The following SFMBT2 variants were observed in gnomAD, a reference collection of about 807,000 sequenced individuals.
SFMBT2 encodes scm-like with four MBT domains protein 2.
A neutral mutation model predicts 110.1 loss-of-function variants in SFMBT2; 38 were observed. That is an observed-to-expected ratio of 0.35 (90% CI 0.27 to 0.45). SFMBT2 has a LOEUF of 0.45. Ranked by LOEUF, SFMBT2 falls within the 20% of genes least tolerant of loss-of-function variation. The pLI, the probability that SFMBT2 is intolerant of heterozygous loss-of-function variation, is 1.00. For synonymous variants in SFMBT2, 425 were observed against 425.4 expected (o/e 1.00, Z 0.01); for missense variants, 1,011 against 1,094.9 (o/e 0.92, Z 1.08).
At chr10:7,371,463 C>G (rs981260421) in intron 2 of SFMBT2, among the ~76,000 whole-genome samples, 3 of 152,148 alleles carry the variant, frequency 2.0e-5, no homozygotes, top group Admixed American at 2.0e-4. Flanking sequence ...AATCCACACA[C>G]CCAGGCTTGA....
intron 17 of SFMBT2, among the ~76,000 whole-genome samples, chr10:7,174,863 G>C (rs1838001890): frequency 6.6e-6 from 1 of 152,364 alleles, no homozygotes; most frequent in Admixed American, 6.5e-5. Flanking sequence ...GAGAGGCCCT[G>C]TGCACAGAAT....
chr10:7,403,194 C>T (rs1846126132), intron 1 of SFMBT2, among the ~76,000 whole-genome samples: 1 of 152,162 alleles, frequency 6.6e-6, no homozygotes, highest in South Asian at 2.1e-4. Flanking sequence ...AAAAAGAGAA[C>T]AATCTAGTCT....
chr10:7,186,475 A>ATATATATATATATATATATATATATATAT (rs1345076690), intron 16 of SFMBT2, among the ~76,000 whole-genome samples: 1 of 136,592 alleles, frequency 7.3e-6, no homozygotes, highest in African/African-American at 3.0e-5. Context: ...TATATATATA[A>ATATATATATATATATATATATATATATAT]AAATATTTTA....
intron 4 of SFMBT2, among the ~76,000 whole-genome samples, chr10:7,350,171 A>G (rs1844264927): frequency 6.6e-6 from 1 of 151,216 alleles, no homozygotes; most frequent in South Asian, 2.1e-4. Context: ...CCTCCTGCCC[A>G]ATCGTGTCTT....
intron 7 of SFMBT2, among the ~76,000 whole-genome samples, chr10:7,267,470 T>G (rs1841431197): frequency 6.6e-6 from 1 of 152,146 alleles, no homozygotes; most frequent in Non-Finnish European, 1.5e-5. Context: ...TTGTTTGAGA[T>G]GGAGTCTCAC....
intron 11 of SFMBT2, chr10:7,215,812 C>A: frequency 2.4e-6 from 2 of 820,000 alleles, no homozygotes; most frequent in Non-Finnish European, 2.9e-6. Flanking sequence ...GGGATGGCTC[C>A]CCGTGCATCG....
At chr10:7,251,103 A>G (rs1052782148) in intron 7 of SFMBT2, among the ~76,000 whole-genome samples, 2 of 152,150 alleles carry the variant, frequency 1.3e-5, no homozygotes, top group African/African-American at 4.8e-5. Context: ...AAATTATATG[A>G]ATGTATTAAT....
chr10:7,340,522 G>A (rs1357775678), intron 4 of SFMBT2, among the ~76,000 whole-genome samples: 1 of 151,846 alleles, frequency 6.6e-6, no homozygotes, highest in Non-Finnish European at 1.5e-5. Flanking sequence ...AGGTTATTTT[G>A]TCTCTCAATG....
At chr10:7,351,882 T>C (rs376196402) in intron 4 of SFMBT2, among the ~76,000 whole-genome samples, 8 of 147,402 alleles carry the variant, frequency 5.4e-5, no homozygotes, top group African/African-American at 2.1e-4. Context: ...AAAAAAAAAA[T>C]ATATATATAT....
chr10:7,296,719 T>C (rs1252698792), intron 4 of SFMBT2, among the ~76,000 whole-genome samples: 2 of 152,250 alleles, frequency 1.3e-5, no homozygotes, highest in African/African-American at 4.8e-5. Flanking sequence ...TGTGGTTGAA[T>C]GCGACTCCGG....
Position 7,284,056 on chromosome 10 carries a change from C to T in SFMBT2, c.620G>A (p.Ser207Asn). The T allele has an allele frequency of 6.2e-7, 1 of 1,614,198 alleles. No individual in the cohort carries two copies. Among genetic ancestry groups the T allele is most frequent in the Non-Finnish European group, 8.5e-7 (1 of 1,180,036 alleles). Residue 207 changes from serine to asparagine, a missense_variant, in exon 6 of 21, where the codon AGT becomes AAT. Physicochemically the swap from Ser to Asn is conservative, Grantham distance 46. Coordinates refer to ENST00000397167, the MANE Select transcript of SFMBT2 (RefSeq NM_001387889.1). ...SQNPFQYWIV[S>N]VIENVGGRLR... ...TCTTCCTCCAACATTTTCAATCACA[C>T]TAACTATCCAGTACTGAAAAGGGTT... is the stretch of plus-strand genomic sequence containing the variant.
chr10:7,282,780 G>A (rs569367338), intron 6 of SFMBT2, among the ~76,000 whole-genome samples: 14 of 152,212 alleles, frequency 9.2e-5, no homozygotes, highest in African/African-American at 2.9e-4. Context: ...CACTAACATC[G>A]GCAACTAATA....
chr10:7,294,062 C>A (rs1842334655), intron 4 of SFMBT2, among the ~76,000 whole-genome samples: 1 of 152,154 alleles, frequency 6.6e-6, no homozygotes, highest in Non-Finnish European at 1.5e-5. Flanking sequence ...TAGGACAGAG[C>A]CCAGCTGGAG....
At chr10:7,246,119 T>C (rs1448707136) in intron 8 of SFMBT2, 6 of 982,158 alleles carry the variant, frequency 6.1e-6, no homozygotes, top group Admixed American at 6.1e-5. Context: ...CCATGTGTTA[T>C]ACAAAACATG....
chr10:7,340,904 T>C (rs192442963), intron 4 of SFMBT2, among the ~76,000 whole-genome samples: 2 of 151,240 alleles, frequency 1.3e-5, no homozygotes, highest in Non-Finnish European at 2.9e-5. Flanking sequence ...ACTAAAGGCA[T>C]GTCTGGGGAA....
At chr10:7,342,649 T>C (rs568484428) in intron 4 of SFMBT2, among the ~76,000 whole-genome samples, 2 of 152,146 alleles carry the variant, frequency 1.3e-5, no homozygotes, top group African/African-American at 2.4e-5. Flanking sequence ...CGCCCGCCTC[T>C]GCCTCCCAAA....
At chr10:7,373,492 G>A (rs1413158076) in intron 2 of SFMBT2, among the ~76,000 whole-genome samples, 2 of 152,154 alleles carry the variant, frequency 1.3e-5, no homozygotes, top group African/African-American at 2.4e-5. Flanking sequence ...ATACTCACAG[G>A]GGCAATCTTG....
chr10:7,290,865 T>C (rs1349576270), intron 4 of SFMBT2, among the ~76,000 whole-genome samples: 1 of 152,154 alleles, frequency 6.6e-6, no homozygotes, highest in Non-Finnish European at 1.5e-5. Flanking sequence ...GCAAGCTATC[T>C]ACAAATTGAG....
At chr10:7,307,551 C>G (rs1842731437) in intron 4 of SFMBT2, among the ~76,000 whole-genome samples, 1 of 152,172 alleles carries the variant, frequency 6.6e-6, no homozygotes, top group Non-Finnish European at 1.5e-5. Context: ...ATGGTTAGAA[C>G]TGGCTCCATA....
Sources: allele counts gnomAD v4.1 joint callset (sites outside exome capture counted in the v4.1 genomes callset), GRCh38; gene constraint gnomAD v4.1.1; transcripts MANE v1.5; gene names NCBI Gene and HGNC (gene_info 2026-07-23, HGNC 2026-07-21).